BCHE: variants seen among roughly 807,000 people sequenced by gnomAD.
The protein encoded by BCHE is butyrylcholinesterase.
In BCHE, 48 loss-of-function variants were observed where a neutral mutation model predicts 51.3. The ratio of observed to expected loss-of-function variants is 0.94; its 90% confidence interval spans 0.74 to 1.19. The LOEUF (loss-of-function observed/expected upper bound fraction) is 1.19, where lower values mean the gene tolerates loss of function less well. Among genes scored for constraint, BCHE ranks in the 50% most tolerant of loss-of-function variants. The probability of loss-of-function intolerance (pLI) is 0.00; values close to 1 mark genes in which losing one functional copy is unlikely to be tolerated. For synonymous variants in BCHE, 251 were observed against 238.0 expected (o/e 1.05, Z -0.50); for missense variants, 847 against 708.2 (o/e 1.20, Z -2.23).
At chr3:165,796,141 C>T (rs1713368190) in intron 2 of BCHE, among the ~76,000 whole-genome samples, 2 of 152,090 alleles carry the variant, frequency 1.3e-5, no homozygotes, top group South Asian at 4.1e-4. Flanking sequence ...AGGAAGAAGA[C>T]ATACTAGCTG....
chr3:165,799,779 G>A (rs1713566435), intron 2 of BCHE, among the ~76,000 whole-genome samples: 1 of 151,986 alleles, frequency 6.6e-6, no homozygotes, highest in Non-Finnish European at 1.5e-5. Flanking sequence ...ATCGATTTCA[G>A]ATACTTAAGT....
intron 2 of BCHE, among the ~76,000 whole-genome samples, chr3:165,804,619 T>G (rs1293880132): frequency 6.6e-6 from 1 of 152,104 alleles, no homozygotes; most frequent in Admixed American, 6.6e-5. Context: ...TGATTAATTT[T>G]GGGTTTTGTT....
chr3:165,773,410 CTAGTG>C lies in BCHE; in HGVS notation c.1776_1780del (p.Tyr592Ter), dbSNP rs745387582. On this transcript the variant is annotated stop_gained and frameshift_variant, in exon 4 of 4. Transcript: ENST00000264381. LOFTEE classifies it high-confidence loss of function. ...GAGACCCACACAACTTTCTTTCTTGCTAGTGTAATCGTTAAATTGATTTTTCCAGT... is the reference window on the plus strand; with the variant it reads ...GAGACCCACACAACTTTCTTTCTTGCTAATCGTTAAATTGATTTTTCCAGT... 6.2e-7 allele frequency: 1 copy of C among 1,610,776 alleles called. No individual in the cohort carries two copies. The highest frequency in any genetic ancestry group is 1.1e-5 in the South Asian group (1 of 90,898).
At chr3:165,832,595 G>A (rs12053876) in intron 1 of BCHE, among the ~76,000 whole-genome samples, 117,946 of 152,034 alleles carry the variant, frequency 0.78, 46,157 homozygotes, top group Admixed American at 0.83. Context: ...CCCGGCCATA[G>A]AAGAACTAAT....
intron 2 of BCHE, among the ~76,000 whole-genome samples, chr3:165,790,570 G>T (rs1176186031): frequency 6.6e-6 from 1 of 152,182 alleles, no homozygotes; most frequent in Non-Finnish European, 1.5e-5. Context: ...TTTGTAAACA[G>T]CTAGTCTGAA....
At chr3:165,780,046 A>G (rs853484) in intron 3 of BCHE, among the ~76,000 whole-genome samples, 78,226 of 152,020 alleles carry the variant, frequency 0.51, 23,680 homozygotes, top group East Asian at 0.66. Flanking sequence ...ACAGCATGGT[A>G]TTACTACCAA....
chr3:165,830,606 C>A lies in BCHE; in HGVS notation c.428G>T (p.Gly143Val). 3 of 1,614,004 alleles carry A rather than the reference C, an allele frequency of 1.9e-6. No individual in the cohort carries two copies. The highest frequency in any genetic ancestry group is 2.5e-6 in the Non-Finnish European group (3 of 1,179,952). The change falls in exon 2 of 4, where the codon GGT becomes GTT. Residue 143 changes from glycine to valine, a missense_variant. Gly to Val is a moderately radical substitution (Grantham distance 109). Coordinates refer to ENST00000264381, the MANE Select transcript of BCHE (RefSeq NM_000055.4). ...TGATGTTCCAGTTTGAAAACCACCACCATAAATCCATATCAATACAGTGGC... is the reference window on the plus strand; with the variant it reads ...TGATGTTCCAGTTTGAAAACCACCAACATAAATCCATATCAATACAGTGGC... ...KNATVLIWIYGGGFQTGTSSL... is the reference protein window; with the variant it reads ...KNATVLIWIYVGGFQTGTSSL...
intron 2 of BCHE, among the ~76,000 whole-genome samples, chr3:165,796,706 T>A (rs1252836581): frequency 6.6e-6 from 1 of 152,202 alleles, no homozygotes; most frequent in Non-Finnish European, 1.5e-5. Flanking sequence ...AATAAGTATT[T>A]AAAAGAGGCT....
intron 3 of BCHE, among the ~76,000 whole-genome samples, chr3:165,776,358 A>G (rs1008012144): frequency 6.6e-5 from 10 of 151,992 alleles, no homozygotes; most frequent in African/African-American, 2.2e-4. Flanking sequence ...ATTCAGAGAT[A>G]CAAAGAAAGA....
At chr3:165,804,484 G>T (rs1713797296) in intron 2 of BCHE, among the ~76,000 whole-genome samples, 1 of 152,138 alleles carries the variant, frequency 6.6e-6, no homozygotes, top group Non-Finnish European at 1.5e-5. Context: ...GTCATATGTG[G>T]ATGGGCTCTA....
chr3:165,835,791 T>C (rs1715167481), intron 1 of BCHE, among the ~76,000 whole-genome samples: 1 of 151,890 alleles, frequency 6.6e-6, no homozygotes, highest in Non-Finnish European at 1.5e-5. Context: ...ATTTGCAAAC[T>C]TCATTGTGTG....
chr3:165,829,802 T>C lies in BCHE; in HGVS notation c.1232A>G (p.Glu411Gly). The C allele has an allele frequency of 1.2e-6, 2 of 1,613,906 alleles. No individual in the cohort carries two copies. The highest frequency in any genetic ancestry group is 1.7e-6 in the Non-Finnish European group (2 of 1,179,902). ...YTDWVDDQRP[E>G]NYREALGDVV... ...ATCACCCAAGGCCTCACGGTAGTTTTCAGGTCTCTGATCATCTACCCAGTC... is the reference window on the plus strand; with the variant it reads ...ATCACCCAAGGCCTCACGGTAGTTTCCAGGTCTCTGATCATCTACCCAGTC... The change falls in exon 2 of 4, where the codon GAA becomes GGA. Residue 411 changes from glutamate to glycine, a missense_variant. Glu to Gly is a moderately conservative substitution (Grantham distance 98, BLOSUM62 -2). Coordinates refer to ENST00000264381, the MANE Select transcript of BCHE (RefSeq NM_000055.4).
At chr3:165,791,976 A>AATAAT in intron 2 of BCHE, among the ~76,000 whole-genome samples, 1 of 151,880 alleles carries the variant, frequency 6.6e-6, no homozygotes, top group South Asian at 2.1e-4. Flanking sequence ...AATAAAATAA[A>AATAAT]ATAAAATAAA....
chr3:165,773,367 G>C lies in BCHE; in HGVS notation c.*15C>G, dbSNP rs2108191354. 1.9e-6 allele frequency: 3 copies of C among 1,607,086 alleles called. No homozygotes were observed. In the East Asian group the frequency reaches 6.7e-5, roughly 36 times the overall value. ...TCTAAAGGAAAATATGTTCTATAAA[G>C]GGTAAATCTATTAATTAGAGACCCA... On this transcript the variant is annotated 3_prime_UTR_variant, in exon 4 of 4. Coordinates refer to ENST00000264381, the MANE Select transcript of BCHE (RefSeq NM_000055.4).
chr3:165,791,988 T>TAAAATAAAATACAATAAAAC (rs372410356), intron 2 of BCHE, among the ~76,000 whole-genome samples: 1 of 151,398 alleles, frequency 6.6e-6, no homozygotes, highest in African/African-American at 2.4e-5. Flanking sequence ...TAAAATAAAA[T>TAAAATAAAATACAATAAAAC]AAAGAGTTCA....
intron 2 of BCHE, among the ~76,000 whole-genome samples, chr3:165,801,982 T>A (rs1713668229): frequency 6.6e-6 from 1 of 152,216 alleles, no homozygotes; most frequent in Admixed American, 6.5e-5. Flanking sequence ...ACTTCTATTT[T>A]GCAGGACCAC....
chr3:165,827,670 C>A (rs1314227397), intron 2 of BCHE, among the ~76,000 whole-genome samples: 1 of 151,738 alleles, frequency 6.6e-6, no homozygotes, highest in East Asian at 1.9e-4. Context: ...TCCTTAAATC[C>A]TTAAATGATT....
Position 165,773,491 on chromosome 3 carries a change from G to A in BCHE, c.1700C>T (p.Ala567Val), listed in dbSNP as rs752317854. The change falls in exon 4 of 4, where the codon GCA becomes GTA. Residue 567 changes from alanine (A) to valine (V), a missense_variant. Physicochemically the swap from Ala to Val is moderately conservative, Grantham distance 64. Transcript: ENST00000264381. ...GAATCCTGCTTTCCACTCCCATTCT[G>A]CTTCATCAATATTTCCTGTAAAATA... The part of the protein sequence containing the change: ...VLEMTGNIDE[A>V]EWEWKAGFHR... 6.2e-7 allele frequency: 1 copy of A among 1,607,164 alleles called. No individual in the cohort carries two copies. Among genetic ancestry groups the A allele is most frequent in the Admixed American group, 1.7e-5 (1 of 59,900 alleles).
At chr3:165,774,266 A>G (rs1266086834) in intron 3 of BCHE, among the ~76,000 whole-genome samples, 3 of 152,150 alleles carry the variant, frequency 2.0e-5, no homozygotes, top group African/African-American at 4.8e-5. Context: ...TTATTAATGC[A>G]TAAGGATAAC....
Sources: gnomAD v4.1 joint callset for allele counts (sites outside exome capture counted in the v4.1 genomes callset) on GRCh38, gnomAD v4.1.1 for gene constraint, MANE v1.5 for transcripts, NCBI Gene and HGNC (gene_info 2026-07-23, HGNC 2026-07-21) for gene names.